RBFOX1: variants seen among roughly 807,000 people sequenced by gnomAD.
RBFOX1 encodes the protein RNA binding fox-1 homolog 1, also known as RNA binding protein fox-1 homolog 1.
RBFOX1 carries 8 observed loss-of-function variants against 57.7 expected under a neutral mutation model. The ratio of observed to expected loss-of-function variants is 0.14; its 90% CI spans 0.08 to 0.25. The LOEUF (loss-of-function observed/expected upper bound fraction) is 0.25. Among genes scored for constraint, RBFOX1 ranks in the 10% least tolerant of loss-of-function variants. RBFOX1 has a pLI of 1.00. For synonymous variants in RBFOX1, 326 were observed against 222.4 expected, an observed-to-expected ratio of 1.47 and a Z score of -4.15; for missense variants, 611 against 548.5, an observed-to-expected ratio of 1.11 and a Z score of -1.14.
At chr16:6,731,453 G>T (rs2068563867) in intron 3 of RBFOX1, among the ~76,000 whole-genome samples, 1 of 152,134 alleles carries the variant, frequency 6.6e-6, no homozygotes, top group African/African-American at 2.4e-5. Flanking sequence ...CTGTGGGTTT[G>T]CCATCTTTTT....
At position 7,485,909 on chromosome 16, in the gene RBFOX1, C is replaced by G. The variant is rs182550185; in HGVS notation, c.28-32238C>G. On this transcript the variant is annotated intron_variant, in intron 4 of 15. Transcript: ENST00000550418. ...AAAGTTTTATTGGCACATAGCCACACCCATTTATTTACATATTGTTCATGG... is the reference window on the plus strand; with the variant it reads ...AAAGTTTTATTGGCACATAGCCACAGCCATTTATTTACATATTGTTCATGG... Among the ~76,000 whole-genome samples the G allele has an allele frequency of 2.9e-3, 437 of 152,256 alleles. 6 individuals are homozygous for G. The highest frequency in any genetic ancestry group is 0.025 in the Admixed American group (388 of 15,292).
intron 3 of RBFOX1, among the ~76,000 whole-genome samples, chr16:6,841,648 C>G (rs2093469131): frequency 6.6e-6 from 1 of 152,094 alleles, no homozygotes; most frequent in Non-Finnish European, 1.5e-5. Flanking sequence ...CCTGCCGGCT[C>G]TTGAGTAGTA....
chr16:7,204,063 A>G (rs2089366167), intron 4 of RBFOX1, among the ~76,000 whole-genome samples: 1 of 152,254 alleles, frequency 6.6e-6, no homozygotes, highest in Non-Finnish European at 1.5e-5. Flanking sequence ...TGACTTCTCC[A>G]GATTTCCATA....
In RBFOX1 at chr16:6,670,268, C is replaced by T. The variant is rs1290286290; in HGVS notation, c.-16+15618C>T. On this transcript the variant is annotated intron_variant, in intron 3 of 15. Transcript: ENST00000550418. ...AATTTTTGTAGAGACGGGGTTTTCC[C>T]TATGTTGTCCAGGCTGGCTTCCAAG... 6.6e-5 allele frequency among the ~76,000 whole-genome samples: 10 copies of T among 151,976 alleles called. No individual in the cohort carries two copies. In the East Asian group the frequency reaches 1.5e-3, roughly 23 times the overall value.
chr16:6,811,715 T>A (rs1314842206), intron 3 of RBFOX1, among the ~76,000 whole-genome samples: 1 of 151,878 alleles, frequency 6.6e-6, no homozygotes, highest in Non-Finnish European at 1.5e-5. Context: ...TATGGTGAAA[T>A]CCCATCTCTT....
rs61691277 is a variant in RBFOX1, at chr16:6,655,963, A to G, written c.-16+1313A>G. Among the ~76,000 whole-genome samples the G allele has an allele frequency of 8.1e-3, 1,238 of 152,290 alleles. 23 individuals carry two copies. The highest frequency in any genetic ancestry group is 0.028 in the African/African-American group (1,168 of 41,566). On this transcript the variant is annotated intron_variant, in intron 3 of 15. Transcript: ENST00000550418. ...TTTTAGGGAGTGTTAATCTCCTCAC[A>G]TTGGGAAGAATAATGATACAGTAAG...
intron 3 of RBFOX1, among the ~76,000 whole-genome samples, chr16:5,817,247 A>G (rs147020163): frequency 1.2e-4 from 18 of 152,244 alleles, no homozygotes; most frequent in African/African-American, 4.3e-4. Context: ...TATTACGGTA[A>G]TTAAACACAG....
At chr16:6,151,590 A>G (rs769111090) in intron 1 of RBFOX1, among the ~76,000 whole-genome samples, 1 of 152,096 alleles carries the variant, frequency 6.6e-6, no homozygotes, top group Admixed American at 6.6e-5. Context: ...CTGGCCTATA[A>G]TCAGTCTTTT....
intron 2 of RBFOX1, among the ~76,000 whole-genome samples, chr16:5,525,491 ATTTTTT>A (rs71404528): frequency 1.3e-4 from 10 of 78,274 alleles, no homozygotes; most frequent in African/African-American, 4.4e-4. Context: ...AGCCGACACT[ATTTTTT>A]TTTTTTTTTT....
chr16:5,535,692 G>C (rs2044666456), intron 2 of RBFOX1, among the ~76,000 whole-genome samples: 1 of 152,164 alleles, frequency 6.6e-6, no homozygotes, highest in Non-Finnish European at 1.5e-5. Context: ...GGAACACCAA[G>C]AGCCTCCTTT....
rs145006582 is a variant in RBFOX1, at chr16:7,630,606, C to G, written c.680C>G (p.Thr227Arg). 1 of 1,614,144 alleles carries G rather than the reference C, an allele frequency of 6.2e-7. No homozygotes were observed. The highest frequency in any genetic ancestry group is 8.5e-7 in the Non-Finnish European group (1 of 1,180,040). The change falls in exon 11 of 16, where the codon ACG (threonine) becomes AGG (arginine). Residue 227 changes from threonine to arginine, a missense_variant. Coordinates refer to ENST00000550418, the MANE Select transcript of RBFOX1 (RefSeq NM_018723.4). ...AVYSPEFYAG[T>R]VLLCQANQEG... ...CATCTCTCTCTCTCTTTCGTAGGCA[C>G]GGTCCTGTTGTGCCAGGCCAACCAG... is the stretch of plus-strand genomic sequence containing the variant.
chr16:6,216,389 C>G (rs1029095316), intron 1 of RBFOX1, among the ~76,000 whole-genome samples: 4 of 152,144 alleles, frequency 2.6e-5, no homozygotes, highest in African/African-American at 9.7e-5. Context: ...AGGCATGAGA[C>G]CATCACGATG....
intron 4 of RBFOX1, among the ~76,000 whole-genome samples, chr16:5,979,666 A>T (rs1001516499): frequency 3.9e-5 from 6 of 152,164 alleles, no homozygotes; most frequent in African/African-American, 1.2e-4. Context: ...GATCAAGACC[A>T]TCCTGGTCAA....
chr16:5,362,055 T>G (rs1024973854), intron 1 of RBFOX1, among the ~76,000 whole-genome samples: 1 of 152,244 alleles, frequency 6.6e-6, no homozygotes, highest in Admixed American at 6.5e-5. Context: ...TTATTTAAAT[T>G]GTAGTAAGAA....
At chr16:6,892,828 A>G (rs958088839) in intron 3 of RBFOX1, among the ~76,000 whole-genome samples, 5 of 72,502 alleles carry the variant, frequency 6.9e-5, no homozygotes, top group Non-Finnish European at 1.4e-4. Context: ...CTCTCTCTCT[A>G]TTCTGCTTCA....
intron 3 of RBFOX1, among the ~76,000 whole-genome samples, chr16:5,617,486 G>T (rs1184274790): frequency 1.3e-5 from 2 of 152,148 alleles, no homozygotes; most frequent in Non-Finnish European, 2.9e-5. Flanking sequence ...CAATCATCAG[G>T]CTTGTTCCCC....
intron 1 of RBFOX1, among the ~76,000 whole-genome samples, chr16:6,042,518 T>C (rs2095448809): frequency 6.6e-6 from 1 of 152,118 alleles, no homozygotes; most frequent in African/African-American, 2.4e-5. Context: ...CAAACTTAAT[T>C]TACACATTTA....
intron 2 of RBFOX1, among the ~76,000 whole-genome samples, chr16:6,440,801 G>GGA (rs773662147): frequency 2.5e-5 from 3 of 118,584 alleles, no homozygotes; most frequent in African/African-American, 6.3e-5. Context: ...ACACCATCTG[G>GGA]AAAAAAAAAA....
At chr16:7,519,420 C>G (rs919109964) in intron 5 of RBFOX1, among the ~76,000 whole-genome samples, 1 of 152,054 alleles carries the variant, frequency 6.6e-6, no homozygotes. Flanking sequence ...CTTTATACGC[C>G]ATAAAGAGTA....
Sources: gnomAD v4.1 joint callset for allele counts (sites outside exome capture counted in the v4.1 genomes callset) on GRCh38, gnomAD v4.1.1 for gene constraint, MANE v1.5 for transcripts, NCBI Gene and HGNC (gene_info 2026-07-23, HGNC 2026-07-21) for gene names.